DIDO1: variants seen among roughly 807,000 people sequenced by gnomAD.
The protein encoded by DIDO1 is death inducer-obliterator 1.
DIDO1 carries 16 observed loss-of-function variants against 99.4 expected under a neutral mutation model. The observed-to-expected ratio is 0.16, with a 90% CI of 0.11 to 0.24. DIDO1 has a LOEUF of 0.24. Ranked by LOEUF, DIDO1 falls within the 10% of genes least tolerant of loss-of-function variation. The pLI is 1.00. For synonymous variants in DIDO1, 1,366 were observed against 1,239.1 expected (o/e 1.10, Z -2.15); for missense variants, 2,996 against 3,014.0 (o/e 0.99, Z 0.14).
chr20:62,911,076 C>G lies in DIDO1; in HGVS notation c.537G>C (p.Arg179Ser), dbSNP rs2064926020. The G allele has an allele frequency of 6.2e-7, 1 of 1,613,706 alleles. No homozygotes were observed. Among genetic ancestry groups the G allele is most frequent in the South Asian group, 1.1e-5 (1 of 91,088 alleles). Reference protein sequence around the residue: ...RRKREQEPTERPLKGIQSRLR... With the variant: ...RRKREQEPTESPLKGIQSRLR... ...GGCGACTCTGGATCCCTTTCAGGGG[C>G]CTCTCAGTGGGCTCCTGTTCCCGCT... The change falls in exon 3 of 16, where the codon AGG becomes AGC. Residue 179 changes from arginine to serine, a missense_variant. Physicochemically the swap from Arg to Ser is moderately radical, Grantham distance 110. Transcript: ENST00000395343. The surrounding 1 kb of genome is among the most constrained non-coding windows in gnomAD (Gnocchi z 7.0).
At chr20:62,924,436 A>G (rs117048481) in intron 1 of DIDO1, among the ~76,000 whole-genome samples, 1,571 of 152,354 alleles carry the variant, frequency 0.01, 14 homozygotes, top group South Asian at 0.024. Context: ...TCTTGTTTAC[A>G]GAGATTCCAA....
At chr20:62,904,880 T>A in intron 6 of DIDO1, 1 of 642,530 alleles carries the variant, frequency 1.6e-6, no homozygotes, top group Non-Finnish European at 1.9e-6. Context: ...CCTTAGGGAA[T>A]CTGCTCAAAG....
intron 1 of DIDO1, among the ~76,000 whole-genome samples, chr20:62,922,943 G>A (rs1403012852): frequency 1.3e-5 from 2 of 152,060 alleles, no homozygotes; most frequent in Non-Finnish European, 2.9e-5. Context: ...GTGACAAACT[G>A]AACACAAACT....
At chr20:62,925,924 A>C (rs1035213088) in intron 1 of DIDO1, among the ~76,000 whole-genome samples, 2 of 152,198 alleles carry the variant, frequency 1.3e-5, no homozygotes, top group Admixed American at 6.5e-5. Context: ...CCGCCCCTGC[A>C]GTGCCGGAAT....
At chr20:62,936,274 C>T (rs1260737339) in intron 1 of DIDO1, among the ~76,000 whole-genome samples, 3 of 152,110 alleles carry the variant, frequency 2.0e-5, no homozygotes, top group Non-Finnish European at 2.9e-5. Context: ...TAAAAATAGG[C>T]CGGATGCGGT....
At chr20:62,934,709 ATCTCTCAACTTCTTGC>A (rs899111410) in intron 1 of DIDO1, among the ~76,000 whole-genome samples, 1 of 152,096 alleles carries the variant, frequency 6.6e-6, no homozygotes, top group African/African-American at 2.4e-5. Context: ...TTCCCATCAC[ATCTCTCAACTTCTTGC>A]TCTCTCACCA....
In DIDO1 at chr20:62,879,055, A is replaced by G. The variant is rs2064150132; in HGVS notation, c.*178T>C. ...ATATTAAAGTTTAGTTTTTTTAAAA[A>G]AGCATCAGAATTGTAAAGATGTGAA... On this transcript the variant is annotated 3_prime_UTR_variant, in exon 16 of 16. Coordinates refer to ENST00000395343, the MANE Select transcript of DIDO1 (RefSeq NM_001193369.2). This position sits in a 1 kb window ranked among gnomAD's most constrained non-coding sequence, Gnocchi z 6.3. 9 of 530,968 alleles carry G rather than the reference A, an allele frequency of 1.7e-5. No individual in the cohort carries two copies. In the South Asian group the frequency reaches 5.7e-4, roughly 34 times the overall value. 32.9% of individuals were successfully genotyped at this position (530,968 alleles called of 1,614,324 possible). A position where few individuals can be genotyped will look rare whatever the true frequency, so the allele number is the denominator to read the frequency against.
At chr20:62,887,306 CT>C (rs1321601661) in intron 15 of DIDO1, 3 of 985,338 alleles carry the variant, frequency 3.0e-6, no homozygotes, top group Admixed American at 1.2e-4. Flanking sequence ...CCATGCAAAG[CT>C]ACTGTTACAT....
At position 62,894,197 on chromosome 20, in the gene DIDO1, G is replaced by A. The variant is rs767942837; in HGVS notation, c.2573-3C>T. Reference sequence around the variant, plus strand: ...ATCTTCTGCGGAGGGAACCTGGCCTGAAGAAGGCGAGGAAAGGCTCTGTGA... The same window carrying A: ...ATCTTCTGCGGAGGGAACCTGGCCTAAAGAAGGCGAGGAAAGGCTCTGTGA... On this transcript the variant is annotated splice_polypyrimidine_tract_variant and splice_region_variant and intron_variant, in intron 11 of 15. Coordinates refer to ENST00000395343, the MANE Select transcript of DIDO1 (RefSeq NM_001193369.2). The surrounding 1 kb of genome is among the most constrained non-coding windows in gnomAD (Gnocchi z 4.4). The A allele has an allele frequency of 1.2e-6, 2 of 1,610,120 alleles. No homozygotes were observed. The highest frequency in any genetic ancestry group is 4.5e-5 in the East Asian group (2 of 44,782).
chr20:62,893,040 T>C, intron 12 of DIDO1, 78 bp from the exon 13 acceptor site: 1 of 1,483,108 alleles, frequency 6.7e-7, no homozygotes, highest in Admixed American at 2.1e-5. Context: ...GCCTTTTTTT[T>C]TTTTGAGACA....
At chr20:62,929,692 A>AAAAAAAAAAAAAAAAAAAAAAATATATAT, upstream of DIDO1, among the ~76,000 whole-genome samples, 2 of 63,736 alleles carry the variant, frequency 3.1e-5, no homozygotes, top group African/African-American at 1.5e-4. Flanking sequence ...AAAAAGAAAA[A>AAAAAAAAAAAAAAAAAAAAAAATATATAT]GTGTATATAT....
Position 62,909,799 on chromosome 20 carries a change from C to A in DIDO1, c.1061G>T (p.Gly354Val). ...DADGTDCTSI[G>V]TIEQKSSEDQ... ...TTCGCTAGACTTCTGCTCTATTGTT[C>A]CTATACTTGTACAATCGGTGCCATC... The change falls in exon 4 of 16, where the codon GGA (glycine) becomes GTA (valine). Residue 354 changes from glycine to valine, a missense_variant. By Grantham distance (109) the Gly-to-Val change is moderately radical (BLOSUM62 -3). This residue lies in a region of DIDO1 where 898 missense variants were observed against 972.7 expected (regional missense o/e 0.92). Coordinates refer to ENST00000395343, the MANE Select transcript of DIDO1 (RefSeq NM_001193369.2). The A allele has an allele frequency of 6.2e-7, 1 of 1,614,228 alleles. No individual in the cohort carries two copies. The highest frequency in any genetic ancestry group is 2.2e-5 in the East Asian group (1 of 44,886).
Position 62,881,141 on chromosome 20 carries a change from G to T in DIDO1, c.4815C>A (p.Pro1605=). 6.2e-7 allele frequency: 1 copy of T among 1,608,630 alleles called. No individual in the cohort carries two copies. ...ASRGGLVGQA[P]MPVPEEKEPA... ...GCTCTTTTTCCTCCGGGACTGGCAT[G>T]GGCGCCTGGCCCACGAGGCCACCCC... The change falls in exon 16 of 16, where the codon CCC becomes CCA. Residue 1605 remains proline, a synonymous_variant. Coordinates refer to ENST00000395343, the MANE Select transcript of DIDO1 (RefSeq NM_001193369.2). This position sits in a 1 kb window ranked among gnomAD's most constrained non-coding sequence, Gnocchi z 8.3.
intron 6 of DIDO1, among the ~76,000 whole-genome samples, chr20:62,903,892 A>G (rs970685415): frequency 1.3e-5 from 2 of 152,104 alleles, no homozygotes; most frequent in South Asian, 2.1e-4. Flanking sequence ...GTACCCCGCT[A>G]TGGGCAGAAG....
Position 62,915,917 on chromosome 20 carries a change from AGAAAAATG to A in DIDO1, c.-199-1519_-199-1512del, listed in dbSNP as rs1432732217. ...TACTAGATTTGAGTTCTGAGTAATC[AGAAAAATG>A]TAGTTATTTCTGTTAAGTAGAATTC... On this transcript the variant is annotated intron_variant, in intron 1 of 15. Transcript: ENST00000395343. Among the ~76,000 whole-genome samples, 3 of 152,398 alleles carry A rather than the reference AGAAAAATG, an allele frequency of 2.0e-5. No individual in the cohort carries two copies. The South Asian group carries it at 6.2e-4, about 32-fold the overall frequency.
intron 2 of DIDO1, among the ~76,000 whole-genome samples, chr20:62,913,342 T>C (rs574110730): frequency 6.6e-6 from 1 of 152,084 alleles, no homozygotes; most frequent in East Asian, 1.9e-4. Context: ...GAGGCTGCTG[T>C]GTGAGGGGGG....
chr20:62,905,523 CA>C, intron 6 of DIDO1: 11 of 1,550,904 alleles, frequency 7.1e-6, no homozygotes, highest in Non-Finnish European at 8.7e-6. Context: ...CATGTGCAGA[CA>C]GGGGTGGATG....
chr20:62,887,825 TG>T, intron 15 of DIDO1: 1 of 985,250 alleles, frequency 1.0e-6, no homozygotes, highest in Non-Finnish European at 1.2e-6. Context: ...CTGAGTGGGG[TG>T]AACATCTAGG....
At chr20:62,926,944 G>C (rs919712177), upstream of DIDO1, among the ~76,000 whole-genome samples, 1 of 152,206 alleles carries the variant, frequency 6.6e-6, no homozygotes, top group African/African-American at 2.4e-5. Context: ...AAAGGCCCAG[G>C]TTTTCTCTTC....
Sources: allele counts gnomAD v4.1 joint callset (sites outside exome capture counted in the v4.1 genomes callset), GRCh38; gene constraint gnomAD v4.1.1; regional missense constraint gnomAD v4.1.1; non-coding constraint Gnocchi (gnomAD v3.1); transcripts MANE v1.5; gene names NCBI Gene and HGNC (gene_info 2026-07-23, HGNC 2026-07-21).